Variants in ZNF521 observed in about 807,000 individuals in gnomAD.
ZNF521 encodes zinc finger protein 521, also known as LYST-interacting protein 3.
In ZNF521, 14 loss-of-function variants were observed where a neutral mutation model predicts 105.5. The observed-to-expected ratio is 0.13, with a 90% CI of 0.09 to 0.21. The LOEUF is 0.21. Ranked by LOEUF, ZNF521 falls within the 10% of genes least tolerant of loss-of-function variation. The pLI is 1.00. For synonymous variants in ZNF521, 635 were observed against 606.0 expected (o/e 1.05, Z -0.70); for missense variants, 1,233 against 1,629.7 (o/e 0.76, Z 4.19).
chr18:25,325,373 C>A (rs1401025742), intron 2 of ZNF521, among the ~76,000 whole-genome samples: 2 of 152,040 alleles, frequency 1.3e-5, no homozygotes, highest in Non-Finnish European at 2.9e-5. Flanking sequence ...CTTTGAGATC[C>A]AATCATAAAA....
At chr18:25,313,168 C>T (rs1423083905) in intron 3 of ZNF521, among the ~76,000 whole-genome samples, 1 of 152,198 alleles carries the variant, frequency 6.6e-6, no homozygotes, top group East Asian at 1.9e-4. Flanking sequence ...AACAGTACTC[C>T]AGTCAGCTGG....
chr18:25,139,153 G>A (rs1005434894), intron 5 of ZNF521, among the ~76,000 whole-genome samples: 11 of 151,936 alleles, frequency 7.2e-5, no homozygotes, highest in African/African-American at 2.7e-4. Flanking sequence ...GGTGGATGAT[G>A]AAGTTGGGAT....
At chr18:25,221,590 A>C (rs1162337822) in intron 4 of ZNF521, among the ~76,000 whole-genome samples, 1 of 152,202 alleles carries the variant, frequency 6.6e-6, no homozygotes, top group Non-Finnish European at 1.5e-5. Flanking sequence ...AGAGATGAAA[A>C]TACCACCTAT....
intron 2 of ZNF521, among the ~76,000 whole-genome samples, chr18:25,343,999 C>T (rs1318009537): frequency 6.6e-6 from 1 of 152,068 alleles, no homozygotes; most frequent in African/African-American, 2.4e-5. Context: ...GTGCTTGTAG[C>T]TGTGGCAGGG....
intron 7 of ZNF521, among the ~76,000 whole-genome samples, chr18:25,064,958 T>C (rs978602604): frequency 3.9e-5 from 6 of 152,204 alleles, no homozygotes; most frequent in Non-Finnish European, 8.8e-5. Context: ...TGTATATTGA[T>C]TTTTAATACT....
chr18:25,213,611 T>C (rs1026294919), intron 4 of ZNF521, among the ~76,000 whole-genome samples: 1 of 152,096 alleles, frequency 6.6e-6, no homozygotes, highest in Non-Finnish European at 1.5e-5. Context: ...TCTTTTTCAG[T>C]ATTTTTGTCT....
chr18:25,301,251 A>G (rs1009102041), intron 3 of ZNF521, among the ~76,000 whole-genome samples: 7 of 152,180 alleles, frequency 4.6e-5, no homozygotes, highest in Admixed American at 4.6e-4. Context: ...CGGACCATGC[A>G]GATAATATCT....
chr18:25,239,016 G>A (rs4583337), intron 3 of ZNF521, among the ~76,000 whole-genome samples: 52,727 of 151,914 alleles, frequency 0.35, 9,932 homozygotes, highest in African/African-American at 0.5. Flanking sequence ...TGCCTTTCCC[G>A]TGTTTGCTCC....
intron 5 of ZNF521, among the ~76,000 whole-genome samples, chr18:25,189,405 C>T (rs1448424416): frequency 6.6e-6 from 1 of 152,192 alleles, no homozygotes; most frequent in Non-Finnish European, 1.5e-5. Context: ...TTTTCAGTTA[C>T]TGTCTGCAAA....
At position 25,245,277 on chromosome 18, in the gene ZNF521, T is replaced by G. The variant is rs552598371; in HGVS notation, c.221-17580A>C. 4.6e-5 allele frequency among the ~76,000 whole-genome samples: 7 copies of G among 152,336 alleles called. No individual in the cohort carries two copies. The South Asian group carries it at 1.4e-3, about 32-fold the overall frequency. ...TTTATTAATAAACTATGTTTTAGGT[T>G]GGCTGTAGGTTCACAGCAAAATTGA... On this transcript the variant is annotated intron_variant, in intron 3 of 7. Transcript: ENST00000361524.
Position 25,062,659 on chromosome 18 carries a change from A to G in ZNF521, c.*53T>C. ...GAAAGTTTCGTGCAAAGAGTAAAAC[A>G]TGTTCCCTTTTTGTGCCACAAAATC... On this transcript the variant is annotated 3_prime_UTR_variant, in exon 8 of 8. Coordinates refer to ENST00000361524, the MANE Select transcript of ZNF521 (RefSeq NM_015461.3). 1 of 1,583,370 alleles carries G rather than the reference A, an allele frequency of 6.3e-7. No homozygotes were observed. The highest frequency in any genetic ancestry group is 2.2e-5 in the East Asian group (1 of 44,496).
At chr18:25,083,103 C>T (rs1295700287) in intron 7 of ZNF521, among the ~76,000 whole-genome samples, 1 of 152,022 alleles carries the variant, frequency 6.6e-6, no homozygotes, top group Non-Finnish European at 1.5e-5. Context: ...AAAATAAAAC[C>T]GTTTGTCTTA....
intron 5 of ZNF521, among the ~76,000 whole-genome samples, chr18:25,147,410 C>T (rs1314840837): frequency 1.3e-5 from 2 of 152,160 alleles, no homozygotes; most frequent in African/African-American, 2.4e-5. Context: ...AAATTCCCCT[C>T]ACATTTGACT....
chr18:25,064,188 C>A (rs2032988639), intron 7 of ZNF521, among the ~76,000 whole-genome samples: 1 of 152,202 alleles, frequency 6.6e-6, no homozygotes, highest in East Asian at 1.9e-4. Context: ...TTCATGCCTT[C>A]AAAGTGCTCA....
intron 7 of ZNF521, among the ~76,000 whole-genome samples, chr18:25,078,948 C>CCTCTGCCGG (rs1020129357): frequency 2.6e-5 from 4 of 152,158 alleles, no homozygotes; most frequent in Middle Eastern, 3.2e-3. Flanking sequence ...TTTCTGTGAC[C>CCTCTGCCGG]CTCTGCCGGC....
intron 4 of ZNF521, among the ~76,000 whole-genome samples, chr18:25,197,024 TC>T (rs1409466825): frequency 6.6e-6 from 1 of 151,648 alleles, no homozygotes; most frequent in Non-Finnish European, 1.5e-5. Context: ...GGCTTTTTTT[TC>T]CCCAGTCTAA....
At chr18:25,350,488 G>C (rs749381989) in intron 2 of ZNF521, among the ~76,000 whole-genome samples, 16 of 152,142 alleles carry the variant, frequency 1.1e-4, no homozygotes, top group Admixed American at 3.9e-4. Context: ...CCAAAGAAAA[G>C]GAAAAAAGAA....
At chr18:25,351,658 C>G (rs1043708805) in intron 1 of ZNF521, 1 of 152,488 alleles carries the variant, frequency 6.6e-6, no homozygotes, top group African/African-American at 2.4e-5. Context: ...CTTTTTTTCT[C>G]CCTTCCCCCC....
At chr18:25,099,189 A>T (rs1771073115) in intron 5 of ZNF521, among the ~76,000 whole-genome samples, 1 of 152,192 alleles carries the variant, frequency 6.6e-6, no homozygotes, top group Non-Finnish European at 1.5e-5. Context: ...ATAAATATTT[A>T]TTGAATTCAT....
Sources: allele counts gnomAD v4.1 joint callset (sites outside exome capture counted in the v4.1 genomes callset), GRCh38; gene constraint gnomAD v4.1.1; transcripts MANE v1.5; gene names NCBI Gene and HGNC (gene_info 2026-07-23, HGNC 2026-07-21).